ZNF33A: variants seen among roughly 807,000 people sequenced by gnomAD.
The protein encoded by ZNF33A is zinc finger protein 33A, also known as brain my041 protein.
ZNF33A carries 9 observed loss-of-function variants against 15.9 expected under a neutral mutation model. The observed-to-expected ratio is 0.57, with a 90% CI of 0.34 to 0.99. The LOEUF is 0.99. ZNF33A is among the 50% of genes least tolerant of loss of function. The pLI is 0.02. For missense variants in ZNF33A, 843 were observed against 941.6 expected (o/e 0.90, Z 1.37); for synonymous variants, 294 against 324.2 (o/e 0.91, Z 1.00).
At chr10:38,051,766 C>T (rs1046759873) in intron 4 of ZNF33A, among the ~76,000 whole-genome samples, 1 of 151,942 alleles carries the variant, frequency 6.6e-6, no homozygotes, top group African/African-American at 2.4e-5. Flanking sequence ...TACTATACTT[C>T]TTTTTATACA....
chr10:38,066,213 T>A (rs1201836679), downstream of ZNF33A, among the ~76,000 whole-genome samples: 23 of 152,304 alleles, frequency 1.5e-4, no homozygotes, highest in South Asian at 4.6e-3. Flanking sequence ...ACACTTCTCC[T>A]GGTGTGATTG....
intron 4 of ZNF33A, chr10:38,043,738 G>T (rs1038502767): frequency 6.6e-6 from 1 of 151,808 alleles, no homozygotes; most frequent in Non-Finnish European, 1.5e-5. Flanking sequence ...TGGCCTCTAC[G>T]TAGTCTCTGA....
intron 4 of ZNF33A, among the ~76,000 whole-genome samples, chr10:38,038,057 T>C (rs920200378): frequency 6.6e-6 from 1 of 152,244 alleles, no homozygotes; most frequent in Non-Finnish European, 1.5e-5. Context: ...GTTTTCAGAC[T>C]ATAAGCTCTG....
chr10:38,027,982 A>T (rs916028944), intron 4 of ZNF33A, among the ~76,000 whole-genome samples: 10 of 152,084 alleles, frequency 6.6e-5, no homozygotes, highest in African/African-American at 2.4e-4. Flanking sequence ...TTTGATCATG[A>T]TTTTAAAAAA....
chr10:38,063,858 C>G (rs570042844), downstream of ZNF33A, among the ~76,000 whole-genome samples: 3 of 152,242 alleles, frequency 2.0e-5, no homozygotes, highest in East Asian at 5.8e-4. Context: ...TATGCATTGT[C>G]CAGACTACCC....
intron 4 of ZNF33A, among the ~76,000 whole-genome samples, chr10:38,019,688 T>G (rs1221424328): frequency 6.6e-6 from 1 of 152,202 alleles, no homozygotes; most frequent in East Asian, 1.9e-4. Flanking sequence ...ACAGGGAAGC[T>G]AAGAGAAAAT....
chr10:38,056,585 A>G lies in ZNF33A; in HGVS notation c.*25A>G, dbSNP rs2066497969. ...ACTATCCACAAACTCACCTTATGTT[A>G]CTCCAAAGTAATAGTAGGGGATAAA... On this transcript the variant is annotated 3_prime_UTR_variant, in exon 5 of 5. Transcript: ENST00000432900. 1 of 1,532,320 alleles carries G rather than the reference A, an allele frequency of 6.5e-7. No homozygotes were observed. Among genetic ancestry groups the G allele is most frequent in the Admixed American group, 2.2e-5 (1 of 46,392 alleles). The allele number at this position is 1,532,320 out of a possible 1,614,324, so 94.9% of individuals were successfully genotyped here.
At chr10:38,013,618 C>A (rs904117814) in intron 2 of ZNF33A, among the ~76,000 whole-genome samples, 1 of 151,506 alleles carries the variant, frequency 6.6e-6, no homozygotes, top group Non-Finnish European at 1.5e-5. Flanking sequence ...ACCACCATAC[C>A]CAGCTAATTT....
At chr10:38,013,899 C>G (rs1282991024) in intron 2 of ZNF33A, among the ~76,000 whole-genome samples, 1 of 152,042 alleles carries the variant, frequency 6.6e-6, no homozygotes, top group African/African-American at 2.4e-5. Flanking sequence ...GCCGTCTTGT[C>G]CCCCTCACAA....
chr10:38,029,117 T>G (rs2065107300), intron 4 of ZNF33A, among the ~76,000 whole-genome samples: 2 of 152,208 alleles, frequency 1.3e-5, no homozygotes, highest in African/African-American at 2.4e-5. Flanking sequence ...GACCCTGGCT[T>G]TTATATTTGT....
chr10:38,033,761 T>C (rs1230054582), intron 4 of ZNF33A, among the ~76,000 whole-genome samples: 1 of 151,862 alleles, frequency 6.6e-6, no homozygotes, highest in Non-Finnish European at 1.5e-5. Context: ...TTGCCCAGGC[T>C]GGAGTGCGGT....
intron 4 of ZNF33A, among the ~76,000 whole-genome samples, chr10:38,033,236 T>C (rs2065289376): frequency 6.6e-6 from 1 of 152,226 alleles, no homozygotes; most frequent in African/African-American, 2.4e-5. Context: ...GGCTTCTTTT[T>C]CTTAGCATAA....
At chr10:38,064,007 G>C (rs2066685919), downstream of ZNF33A, 1 of 1,341,920 alleles carries the variant, frequency 7.5e-7, no homozygotes, top group Non-Finnish European at 1.0e-6. Context: ...AGGAAGAAAA[G>C]AGGGCTTTCA....
intron 4 of ZNF33A, among the ~76,000 whole-genome samples, chr10:38,029,864 A>G (rs2065138099): frequency 6.6e-6 from 1 of 152,192 alleles, no homozygotes; most frequent in South Asian, 2.1e-4. Flanking sequence ...AACGGATATC[A>G]TTAGGTGCAC....
chr10:38,054,292 A>G, intron 4 of ZNF33A, 83 bp from the exon 5 acceptor site: 2 of 1,384,984 alleles, frequency 1.4e-6, no homozygotes, highest in Non-Finnish European at 1.9e-6. Flanking sequence ...GTCAGCTGCA[A>G]CATGGGGCAT....
chr10:38,044,921 A>G (rs1156975535), intron 4 of ZNF33A, among the ~76,000 whole-genome samples: 1 of 151,458 alleles, frequency 6.6e-6, no homozygotes, highest in East Asian at 2.0e-4. Flanking sequence ...ACCTGCCTCG[A>G]CCTCCCAAAG....
intron 4 of ZNF33A, among the ~76,000 whole-genome samples, chr10:38,023,482 A>C (rs2064846051): frequency 2.0e-5 from 3 of 152,226 alleles, no homozygotes; most frequent in Non-Finnish European, 1.5e-5. Flanking sequence ...CGATCAATGT[A>C]ATTAACCCAG....
At position 38,055,199 on chromosome 10, in the gene ZNF33A, T is replaced by A; in HGVS notation, c.1075T>A (p.Cys359Ser). 3.1e-6 allele frequency: 5 copies of A among 1,614,130 alleles called. No individual in the cohort carries two copies. The highest frequency in any genetic ancestry group is 4.2e-6 in the Non-Finnish European group (5 of 1,179,988). Residue 359 changes from cysteine (C) to serine (S), a missense_variant, in exon 5 of 5, where the codon TGT (cysteine) becomes AGT (serine). By Grantham distance (112) the Cys-to-Ser change is moderately radical. Coordinates refer to ENST00000432900, the MANE Select transcript of ZNF33A (RefSeq NM_006954.2). ...RVHTGQKPFQ[C>S]NECEKAFWDK... is the part of the protein sequence containing the mutation. ...GCACACAGGACAGAAACCCTTTCAA[T>A]GTAATGAATGTGAAAAAGCTTTCTG...
rs775234894 is a variant in ZNF33A, at chr10:38,054,878, T to A, written c.754T>A (p.Phe252Ile). The A allele has an allele frequency of 5.0e-6, 8 of 1,613,694 alleles. No homozygotes were observed. In the South Asian group the frequency reaches 7.7e-5, roughly 16 times the overall value. The change falls in exon 5 of 5, where the codon TTT (phenylalanine) becomes ATT (isoleucine). Residue 252 changes from phenylalanine (F) to isoleucine (I), a missense_variant. Phe to Ile is a conservative substitution (Grantham distance 21). Coordinates refer to ENST00000432900, the MANE Select transcript of ZNF33A (RefSeq NM_006954.2). ...AEENNCDYNE[F>I]GRTLCDSSSL... ...AGAGAATAACTGTGATTATAATGAA[T>A]TTGGGAGAACTTTGTGTGATAGTTC...
Sources: allele counts gnomAD v4.1 joint callset (sites outside exome capture counted in the v4.1 genomes callset), GRCh38; gene constraint gnomAD v4.1.1; transcripts MANE v1.5; gene names NCBI Gene and HGNC (gene_info 2026-07-23, HGNC 2026-07-21).